Variants in SPOCK1 observed in about 807,000 individuals in gnomAD.
The protein encoded by SPOCK1 is testican-1.
SPOCK1 carries 23 observed loss-of-function variants against 55.3 expected under a neutral mutation model. That is an observed-to-expected ratio of 0.42 (90% CI 0.30 to 0.59). The LOEUF (loss-of-function observed/expected upper bound fraction) is 0.59, where lower values mean the gene tolerates loss of function less well. SPOCK1 is among the 20% of genes least tolerant of loss of function. The pLI is 0.22. For synonymous variants in SPOCK1, 226 were observed against 221.0 expected, an observed-to-expected ratio of 1.02 and a Z score of -0.20; for missense variants, 499 against 552.5, an observed-to-expected ratio of 0.90 and a Z score of 0.97.
At chr5:137,026,943 T>C (rs1211970627) in intron 6 of SPOCK1, among the ~76,000 whole-genome samples, 1 of 152,236 alleles carries the variant, frequency 6.6e-6, no homozygotes, top group Middle Eastern at 3.2e-3. Flanking sequence ...TAGGCTCTGA[T>C]TCACCTGAAT....
At chr5:137,174,622 T>A (rs1754819472) in intron 3 of SPOCK1, among the ~76,000 whole-genome samples, 1 of 152,192 alleles carries the variant, frequency 6.6e-6, no homozygotes, top group African/African-American at 2.4e-5. Flanking sequence ...GGGGCAGAGA[T>A]AAAAAGGATC....
chr5:137,465,713 T>C (rs1428885672), intron 2 of SPOCK1, among the ~76,000 whole-genome samples: 1 of 152,212 alleles, frequency 6.6e-6, no homozygotes, highest in Non-Finnish European at 1.5e-5. Context: ...AGGTAAGCAA[T>C]TATCATGCAA....
chr5:137,010,673 A>G (rs1045945731), intron 6 of SPOCK1, among the ~76,000 whole-genome samples: 5 of 152,120 alleles, frequency 3.3e-5, no homozygotes, highest in African/African-American at 1.2e-4. Flanking sequence ...AAATAACTCA[A>G]ATCTGTGCTC....
intron 3 of SPOCK1, among the ~76,000 whole-genome samples, chr5:137,262,391 A>G (rs1191299642): frequency 6.6e-6 from 1 of 152,222 alleles, no homozygotes; most frequent in Non-Finnish European, 1.5e-5. Context: ...AAGGCATAGC[A>G]AAAAACATCA....
chr5:137,385,030 G>A (rs976071203), intron 2 of SPOCK1, among the ~76,000 whole-genome samples: 3 of 152,146 alleles, frequency 2.0e-5, no homozygotes, highest in Non-Finnish European at 4.4e-5. Context: ...GATTAAAAGA[G>A]ATAATGTCTG....
At chr5:137,414,917 T>C (rs1488511232) in intron 2 of SPOCK1, among the ~76,000 whole-genome samples, 2 of 149,004 alleles carry the variant, frequency 1.3e-5, no homozygotes, top group African/African-American at 5.0e-5. Flanking sequence ...CCTTAGGTGC[T>C]ATATCTTTGC....
chr5:137,340,150 A>G (rs2127155598), intron 2 of SPOCK1, among the ~76,000 whole-genome samples: 1 of 152,284 alleles, frequency 6.6e-6, no homozygotes, highest in East Asian at 1.9e-4. Context: ...GGGGCCTTTC[A>G]GTCTCCAGCT....
At chr5:136,991,958 TCTGA>T (rs1425138957) in intron 7 of SPOCK1, among the ~76,000 whole-genome samples, 8 of 152,196 alleles carry the variant, frequency 5.3e-5, no homozygotes, top group African/African-American at 1.9e-4. Context: ...CAATATGCAG[TCTGA>T]CTATTGTACA....
At chr5:137,338,705 G>T (rs905222306) in intron 2 of SPOCK1, among the ~76,000 whole-genome samples, 2 of 151,200 alleles carry the variant, frequency 1.3e-5, no homozygotes, top group East Asian at 2.0e-4. Context: ...TTTAATGATC[G>T]CCATTCTAAC....
chr5:137,228,698 C>A (rs1755995334), intron 3 of SPOCK1, among the ~76,000 whole-genome samples: 1 of 152,000 alleles, frequency 6.6e-6, no homozygotes, highest in Non-Finnish European at 1.5e-5. Context: ...CAAAATATTG[C>A]TTGAATGTTA....
rs191805406 is a variant in SPOCK1, at chr5:137,117,069, A to G, written c.348-4508T>C. On this transcript the variant is annotated intron_variant, in intron 4 of 10. Coordinates refer to ENST00000394945, the MANE Select transcript of SPOCK1 (RefSeq NM_004598.4). ...TGATTTAACTTGACAAAAGGTTAAG[A>G]GGTTATTATTCCAACAGGACATGGG... 2.8e-3 allele frequency among the ~76,000 whole-genome samples: 421 copies of G among 152,302 alleles called. 4 individuals carry two copies. Among genetic ancestry groups the G allele is most frequent in the African/African-American group, 9.7e-3 (403 of 41,576 alleles).
At chr5:137,449,868 C>A (rs1323430730) in intron 2 of SPOCK1, among the ~76,000 whole-genome samples, 2 of 85,436 alleles carry the variant, frequency 2.3e-5, no homozygotes, top group Admixed American at 1.7e-4. Context: ...GCCTGGGCAA[C>A]AAAGTGAGAT....
intron 6 of SPOCK1, among the ~76,000 whole-genome samples, chr5:137,023,247 A>G (rs1314193134): frequency 6.6e-6 from 1 of 152,208 alleles, no homozygotes; most frequent in East Asian, 1.9e-4. Context: ...ATATATAGTA[A>G]ATTTCTTAGT....
At chr5:137,411,020 T>G (rs1001210894) in intron 2 of SPOCK1, among the ~76,000 whole-genome samples, 2 of 152,172 alleles carry the variant, frequency 1.3e-5, no homozygotes, top group African/African-American at 4.8e-5. Context: ...TGCCCATGCT[T>G]CTCAGGACCA....
intron 6 of SPOCK1, among the ~76,000 whole-genome samples, chr5:136,995,070 C>T (rs1751016857): frequency 1.3e-5 from 2 of 152,200 alleles, no homozygotes; most frequent in South Asian, 2.1e-4. Flanking sequence ...TTCAACAGCC[C>T]CACACAGCTA....
chr5:137,423,640 T>C (rs1449147107), intron 2 of SPOCK1, among the ~76,000 whole-genome samples: 1 of 152,118 alleles, frequency 6.6e-6, no homozygotes, highest in Non-Finnish European at 1.5e-5. Context: ...AAAAGTGCAG[T>C]ATTAGAGTGG....
intron 6 of SPOCK1, among the ~76,000 whole-genome samples, chr5:137,052,237 C>T (rs1278296991): frequency 6.6e-6 from 1 of 152,212 alleles, no homozygotes. Flanking sequence ...CCACTTGACT[C>T]ATTTTATGTG....
At chr5:137,150,618 G>A (rs1249498982) in intron 3 of SPOCK1, among the ~76,000 whole-genome samples, 1 of 152,074 alleles carries the variant, frequency 6.6e-6, no homozygotes, top group Non-Finnish European at 1.5e-5. Context: ...AAGCAGACAA[G>A]GAGTCCAGGG....
chr5:137,446,033 A>G (rs1489914121), intron 2 of SPOCK1, among the ~76,000 whole-genome samples: 1 of 152,176 alleles, frequency 6.6e-6, no homozygotes, highest in Non-Finnish European at 1.5e-5. Flanking sequence ...CTATAAAAAA[A>G]GGAAGTTGAA....
Sources: gnomAD v4.1 joint callset for allele counts (sites outside exome capture counted in the v4.1 genomes callset) on GRCh38, gnomAD v4.1.1 for gene constraint, MANE v1.5 for transcripts, NCBI Gene and HGNC (gene_info 2026-07-23, HGNC 2026-07-21) for gene names.